Variants in SCMH1 observed in about 807,000 individuals in gnomAD.
SCMH1 encodes the protein polycomb protein SCMH1.
SCMH1 carries 37 observed loss-of-function variants against 70.8 expected under a neutral mutation model. The observed-to-expected ratio is 0.52, with a 90% confidence interval of 0.40 to 0.69. The LOEUF (loss-of-function observed/expected upper bound fraction) is 0.69, where lower values mean the gene tolerates loss of function less well. Among genes scored for constraint, SCMH1 ranks in the 30% least tolerant of loss-of-function variants. The pLI, the probability that SCMH1 is intolerant of heterozygous loss-of-function variation, is 0.00. For missense variants in SCMH1, 607 were observed against 827.3 expected, an observed-to-expected ratio of 0.73 and a Z score of 3.27; for synonymous variants, 292 against 307.4, an observed-to-expected ratio of 0.95 and a Z score of 0.52.
intron 1 of SCMH1, among the ~76,000 whole-genome samples, chr1:41,199,532 A>G (rs1324879593): frequency 6.6e-6 from 1 of 151,960 alleles, no homozygotes; most frequent in Non-Finnish European, 1.5e-5. Flanking sequence ...TCCCATTTAG[A>G]TTTTTTTTAA....
At chr1:41,180,617 A>G (rs1222915157) in intron 2 of SCMH1, among the ~76,000 whole-genome samples, 2 of 152,216 alleles carry the variant, frequency 1.3e-5, no homozygotes, top group Non-Finnish European at 2.9e-5. Context: ...AGAGAATAAA[A>G]TACCTAGGAA....
At position 41,142,999 on chromosome 1, in the gene SCMH1, G is replaced by A. The variant is rs201781071; in HGVS notation, c.291C>T (p.Arg97=). ...CGCTCCCATCAAGGCGCAGGCGAAG[G>A]CGGGCACCTGTCAGTCCAACTACTG... Residue 97 remains arginine (R), a synonymous_variant, in exon 6 of 15, where the codon CGC becomes CGT. Transcript: ENST00000337495. The A allele has an allele frequency of 1.3e-5, 21 of 1,614,192 alleles. No homozygotes were observed. In the Admixed American group the frequency reaches 2.7e-4, roughly 20 times the overall value.
intron 8 of SCMH1, among the ~76,000 whole-genome samples, chr1:41,103,355 T>TGGTCTCAAACTCCTGACCTCCAGTGA (rs1553122878): frequency 1.3e-5 from 2 of 152,150 alleles, no homozygotes; most frequent in African/African-American, 4.8e-5. Context: ...TTGGCCAGGC[T>TGGTCTCAAACTCCTGACCTCCAGTGA]GGTCTCAAAC....
chr1:41,052,522 C>T (rs1285403947), intron 10 of SCMH1, among the ~76,000 whole-genome samples: 1 of 152,086 alleles, frequency 6.6e-6, no homozygotes, highest in Non-Finnish European at 1.5e-5. Context: ...GGTTGAAGAT[C>T]GATGTACTAT....
chr1:41,163,978 G>T (rs1055887239), intron 2 of SCMH1, among the ~76,000 whole-genome samples: 1 of 152,000 alleles, frequency 6.6e-6, no homozygotes, highest in Non-Finnish European at 1.5e-5. Context: ...CATATAAGGA[G>T]AATATATTTT....
chr1:41,040,326 T>G (rs1335647308), intron 12 of SCMH1, among the ~76,000 whole-genome samples: 1 of 152,154 alleles, frequency 6.6e-6, no homozygotes, highest in Non-Finnish European at 1.5e-5. Context: ...AGTATCACAT[T>G]GCAAAGCTGA....
chr1:41,144,770 T>C (rs1048295076), intron 5 of SCMH1, among the ~76,000 whole-genome samples: 18 of 152,174 alleles, frequency 1.2e-4, no homozygotes, highest in Non-Finnish European at 1.3e-4. Context: ...TTGCCATTGT[T>C]TGTCTTTTTG....
chr1:41,093,285 A>T (rs1314510970), intron 8 of SCMH1, among the ~76,000 whole-genome samples: 5 of 150,528 alleles, frequency 3.3e-5, no homozygotes, highest in Admixed American at 3.3e-4. Context: ...AGAAAACTAA[A>T]CACCGCATGT....
At chr1:41,173,719 C>T (rs1010806280) in intron 2 of SCMH1, among the ~76,000 whole-genome samples, 2 of 152,028 alleles carry the variant, frequency 1.3e-5, no homozygotes, top group Non-Finnish European at 2.9e-5. Flanking sequence ...ACCAAAGTGT[C>T]CATCATTAGA....
At chr1:41,194,535 G>A (rs1309052118) in intron 1 of SCMH1, among the ~76,000 whole-genome samples, 1 of 152,212 alleles carries the variant, frequency 6.6e-6, no homozygotes, top group African/African-American at 2.4e-5. Context: ...CAGCAATTTG[G>A]TTAAGTTTCC....
chr1:41,202,495 T>C (rs1020432453), intron 1 of SCMH1, among the ~76,000 whole-genome samples: 2 of 152,224 alleles, frequency 1.3e-5, no homozygotes, highest in South Asian at 4.1e-4. Context: ...GGATTCGTGG[T>C]AGACTTTACT....
chr1:41,116,413 C>A (rs1448067772), intron 7 of SCMH1, among the ~76,000 whole-genome samples: 2 of 152,218 alleles, frequency 1.3e-5, no homozygotes, highest in Non-Finnish European at 2.9e-5. Context: ...TTACTAGCCA[C>A]GTGATCTTGA....
chr1:41,229,202 C>CAA (rs35731665), intron 1 of SCMH1, among the ~76,000 whole-genome samples: 2,295 of 143,142 alleles, frequency 0.016, 19 homozygotes, highest in Middle Eastern at 0.045. Flanking sequence ...AACCCCCTAC[C>CAA]AAAAAAAAAA....
At chr1:41,203,798 G>A (rs997552655) in intron 1 of SCMH1, among the ~76,000 whole-genome samples, 3 of 152,164 alleles carry the variant, frequency 2.0e-5, no homozygotes, top group African/African-American at 4.8e-5. Context: ...CCATCCCTTC[G>A]TTTCCCATAA....
intron 2 of SCMH1, among the ~76,000 whole-genome samples, chr1:41,161,714 A>T (rs1040349457): frequency 2.0e-5 from 3 of 152,248 alleles, no homozygotes; most frequent in Admixed American, 1.3e-4. Context: ...TTAAATTTTT[A>T]AAAGGCTAAA....
intron 8 of SCMH1, among the ~76,000 whole-genome samples, chr1:41,097,158 G>T (rs1042160180): frequency 3.9e-5 from 6 of 152,216 alleles, no homozygotes; most frequent in African/African-American, 7.2e-5. Flanking sequence ...AAGGTTAGGA[G>T]AAATTGTTAT....
intron 1 of SCMH1, among the ~76,000 whole-genome samples, chr1:41,213,703 T>C (rs548221191): frequency 9.2e-5 from 14 of 152,280 alleles, no homozygotes; most frequent in African/African-American, 3.4e-4. Context: ...AGCATAAAAA[T>C]ATACAAGTTT....
chr1:41,205,532 G>T (rs143532911), intron 1 of SCMH1, among the ~76,000 whole-genome samples: 52 of 152,352 alleles, frequency 3.4e-4, no homozygotes, highest in African/African-American at 3.4e-4. Flanking sequence ...ATCCTCGCGG[G>T]GGGGAGGGGC....
rs747407979 is a variant in SCMH1 at position 41,028,702 on chromosome 1, C to T, written c.1703G>A (p.Arg568His). The T allele has an allele frequency of 3.3e-5, 54 of 1,613,980 alleles. No individual in the cohort carries two copies. In the East Asian group the frequency reaches 3.8e-4, roughly 11 times the overall value. Residue 568 changes from arginine to histidine, a missense_variant, in exon 14 of 15, where the codon CGC (arginine) becomes CAC (histidine). Arg to His is a conservative substitution (Grantham distance 29). Transcript: ENST00000337495. ...CCGGCCACTCAGTCGAGAGGCATCG[C>T]GGCTCTCCAGGTATCGGTCCGACCC...
Sources: allele counts gnomAD v4.1 joint callset (sites outside exome capture counted in the v4.1 genomes callset), GRCh38; gene constraint gnomAD v4.1.1; transcripts MANE v1.5; gene names NCBI Gene and HGNC (gene_info 2026-07-23, HGNC 2026-07-21).